The following INPP4B variants were observed in gnomAD, a reference collection of about 807,000 sequenced individuals.
INPP4B encodes the protein inositol polyphosphate-4-phosphatase type II B, also known as inositol polyphosphate 4-phosphatase type II.
A neutral mutation model predicts 122.5 loss-of-function variants in INPP4B; 55 were observed. The observed-to-expected ratio is 0.45, with a 90% CI of 0.36 to 0.56. INPP4B has a LOEUF of 0.56. Ranked by LOEUF, INPP4B falls within the 20% of genes least tolerant of loss-of-function variation. The pLI, the probability that INPP4B is intolerant of heterozygous loss-of-function variation, is 0.00. For missense variants in INPP4B, 1,000 were observed against 1,097.7 expected, an observed-to-expected ratio of 0.91 and a Z score of 1.26; for synonymous variants, 403 against 388.7, an observed-to-expected ratio of 1.04 and a Z score of -0.43.
intron 17 of INPP4B, among the ~76,000 whole-genome samples, chr4:142,156,664 T>G (rs1287598403): frequency 2.0e-5 from 3 of 152,274 alleles, no homozygotes; most frequent in Admixed American, 6.5e-5. Flanking sequence ...GTTTCAATCT[T>G]TACCATATTG....
chr4:142,612,206 C>T (rs1178220808), intron 2 of INPP4B, among the ~76,000 whole-genome samples: 2 of 152,150 alleles, frequency 1.3e-5, no homozygotes, highest in Non-Finnish European at 2.9e-5. Context: ...AAAGGAAGCT[C>T]ACTCTCCCTG....
chr4:142,038,604 C>G, intron 25 of INPP4B, among the ~76,000 whole-genome samples: 1 of 152,072 alleles, frequency 6.6e-6, no homozygotes, highest in South Asian at 2.1e-4. Flanking sequence ...GATACCAGAG[C>G]ATGGTAACAA....
chr4:142,350,561 T>A (rs1036503859), intron 7 of INPP4B, among the ~76,000 whole-genome samples: 25 of 151,998 alleles, frequency 1.6e-4, no homozygotes, highest in African/African-American at 6.0e-4. Flanking sequence ...TATAGCAGAA[T>A]AAGTATATTA....
chr4:142,308,877 T>C (rs1764407805), intron 8 of INPP4B, among the ~76,000 whole-genome samples: 1 of 152,124 alleles, frequency 6.6e-6, no homozygotes, highest in Non-Finnish European at 1.5e-5. Flanking sequence ...CTAAATCAGT[T>C]ATTCTGTCCA....
intron 7 of INPP4B, among the ~76,000 whole-genome samples, chr4:142,343,793 C>T (rs1206961773): frequency 6.6e-6 from 1 of 151,978 alleles, no homozygotes; most frequent in Non-Finnish European, 1.5e-5. Flanking sequence ...TCTCTTTGAC[C>T]CTTTTTAGTT....
intron 5 of INPP4B, among the ~76,000 whole-genome samples, chr4:142,408,209 A>G (rs1803842672): frequency 6.6e-6 from 1 of 152,122 alleles, no homozygotes; most frequent in African/African-American, 2.4e-5. Context: ...TCTAATCCGT[A>G]TGAGAATTAT....
At chr4:142,620,331 G>A (rs1744621148) in intron 2 of INPP4B, among the ~76,000 whole-genome samples, 1 of 152,020 alleles carries the variant, frequency 6.6e-6, no homozygotes, top group South Asian at 2.1e-4. Flanking sequence ...CTGTAGAAAA[G>A]AGCGAGATTA....
intron 7 of INPP4B, among the ~76,000 whole-genome samples, chr4:142,358,650 TAAA>T (rs11443003): frequency 8.5e-6 from 1 of 117,674 alleles, no homozygotes; most frequent in Non-Finnish European, 1.7e-5. Flanking sequence ...CAGTGATTTA[TAAA>T]AAAAAAAAAA....
At chr4:142,190,211 T>A (rs201887068) in intron 15 of INPP4B, among the ~76,000 whole-genome samples, 1 of 147,442 alleles carries the variant, frequency 6.8e-6, no homozygotes, top group African/African-American at 2.7e-5. Context: ...ATTTTTGTTT[T>A]TTTTTTTTTG....
At chr4:142,545,735 ATATATG>A (rs1829508411) in intron 2 of INPP4B, among the ~76,000 whole-genome samples, 1 of 80,244 alleles carries the variant, frequency 1.2e-5, no homozygotes, top group African/African-American at 5.8e-5. Flanking sequence ...GTATATACAC[ATATATG>A]TGTATATATA....
At chr4:142,260,274 G>A (rs912043368) in intron 11 of INPP4B, among the ~76,000 whole-genome samples, 4 of 152,068 alleles carry the variant, frequency 2.6e-5, no homozygotes, top group Non-Finnish European at 4.4e-5. Flanking sequence ...GTGAGCCACC[G>A]CGCCTGGCTG....
intron 7 of INPP4B, among the ~76,000 whole-genome samples, chr4:142,329,037 G>A (rs1773488505): frequency 6.6e-6 from 1 of 152,170 alleles, no homozygotes; most frequent in South Asian, 2.1e-4. Context: ...CCATGCCTTT[G>A]CATGCGCTGA....
At chr4:142,036,871 G>A (rs564631195) in intron 25 of INPP4B, among the ~76,000 whole-genome samples, 1 of 152,262 alleles carries the variant, frequency 6.6e-6, no homozygotes, top group East Asian at 1.9e-4. Flanking sequence ...AGGTGACTTT[G>A]GGACTGCTTC....
intron 2 of INPP4B, among the ~76,000 whole-genome samples, chr4:142,680,719 T>C (rs1758496875): frequency 6.6e-6 from 1 of 151,924 alleles, no homozygotes; most frequent in Non-Finnish European, 1.5e-5. Flanking sequence ...ACAGTTAGGC[T>C]GCCAATACTA....
intron 25 of INPP4B, among the ~76,000 whole-genome samples, chr4:142,066,218 T>TA (rs11379073): frequency 0.89 from 135,750 of 152,210 alleles, 61,989 homozygotes; most frequent in Non-Finnish European, 0.98. Context: ...AACATTGTTG[T>TA]AGGCAAAGTT....
At chr4:142,727,661 G>T (rs1459995165) in intron 1 of INPP4B, among the ~76,000 whole-genome samples, 1 of 152,110 alleles carries the variant, frequency 6.6e-6, no homozygotes, top group Non-Finnish European at 1.5e-5. Flanking sequence ...TGGGAGGATT[G>T]CTTGAGCCCA....
At chr4:142,285,373 A>T (rs1753062964) in intron 9 of INPP4B, among the ~76,000 whole-genome samples, 1 of 151,936 alleles carries the variant, frequency 6.6e-6, no homozygotes, top group Admixed American at 6.6e-5. Context: ...TCTCTAGATG[A>T]TGTAAGAATT....
intron 1 of INPP4B, among the ~76,000 whole-genome samples, chr4:142,797,938 T>TAAC (rs963667835): frequency 2.0e-5 from 3 of 151,372 alleles, no homozygotes; most frequent in Non-Finnish European, 4.4e-5. Flanking sequence ...ACACAAGAAA[T>TAAC]AACAACAACA....
chr4:142,531,813 T>C (rs1026648095), intron 2 of INPP4B, among the ~76,000 whole-genome samples: 6 of 152,186 alleles, frequency 3.9e-5, no homozygotes, highest in South Asian at 2.1e-4. Flanking sequence ...AGCCAGAATT[T>C]GTTAATGACA....
Sources: gnomAD v4.1 joint callset for allele counts (sites outside exome capture counted in the v4.1 genomes callset) on GRCh38, gnomAD v4.1.1 for gene constraint, MANE v1.5 for transcripts, NCBI Gene and HGNC (gene_info 2026-07-23, HGNC 2026-07-21) for gene names.